The following TTC34 variants were observed in gnomAD, a reference collection of about 807,000 sequenced individuals.
The protein encoded by TTC34 is tetratricopeptide repeat domain 34, also known as tetratricopeptide repeat protein 34.
Under a neutral mutation model 40.7 loss-of-function variants are expected in TTC34, and 44 were observed. The ratio of observed to expected loss-of-function variants is 1.08; its 90% CI spans 0.85 to 1.39. The LOEUF is 1.39. Among genes scored for constraint, TTC34 ranks in the 40% most tolerant of loss-of-function variants. The probability of loss-of-function intolerance (pLI) is 0.00; values close to 1 mark genes in which losing one functional copy is unlikely to be tolerated. For synonymous variants in TTC34, 422 were observed against 398.6 expected (o/e 1.06, Z -0.70); for missense variants, 884 against 838.0 (o/e 1.05, Z -0.68).
At chr1:2,775,314 A>T (rs575515819) in intron 6 of TTC34, 150 of 151,220 alleles carry the variant, frequency 9.9e-4, no homozygotes, top group Middle Eastern at 6.8e-3. Flanking sequence ...CTCCAACCCC[A>T]GGTGAGGATC....
intron 6 of TTC34, among the ~76,000 whole-genome samples, chr1:2,696,920 A>C (rs1187881831): frequency 9.3e-5 from 3 of 32,228 alleles, no homozygotes; most frequent in Admixed American, 4.0e-4. Context: ...AGCACCCACA[A>C]CCACAGGTGA....
At chr1:2,641,469 C>T (rs1374372248) in exon 9 of TTC34, 1 of 1,535,662 alleles carries the variant, frequency 6.5e-7, no homozygotes, top group Non-Finnish European at 8.7e-7. Context: ...CTCTCTACCG[C>T]CGTCCAGGCC....
chr1:2,674,276 T>TTGC (rs1639810900), intron 6 of TTC34, among the ~76,000 whole-genome samples: 1 of 66,592 alleles, frequency 1.5e-5, no homozygotes, highest in African/African-American at 5.5e-5. Context: ...GAGCACCCCA[T>TTGC]ATCCCCGGGT....
rs921963172 is a variant in TTC34 at position 2,787,628 on chromosome 1, C to T, written c.1707G>A (p.Ala569=). 35 of 1,549,834 alleles carry T rather than the reference C, an allele frequency of 2.3e-5. 1 individual carries two copies. Among genetic ancestry groups the T allele is most frequent in the East Asian group, 7.3e-5 (3 of 40,934 alleles). The stretch of plus-strand genomic sequence containing the variant: ...GGCCCAGGCGGTACAGGGCATCAGC[C>T]GCCAGGAGGCGAGAGGCCTCGTCCT... Residue 569 remains alanine (A), a synonymous_variant, in exon 4 of 9, where the codon GCG becomes GCA. Transcript: ENST00000401095.
At chr1:2,777,597 A>C (rs1340379122) in intron 6 of TTC34, among the ~76,000 whole-genome samples, 2 of 145,450 alleles carry the variant, frequency 1.4e-5, no homozygotes, top group Non-Finnish European at 3.0e-5. Flanking sequence ...GGCCAGGAGG[A>C]GGGGCCTGCT....
At chr1:2,783,670 G>C (rs12063186) in exon 6 of TTC34, 36 of 1,537,958 alleles carry the variant, frequency 2.3e-5, no homozygotes, top group Non-Finnish European at 2.7e-5. Flanking sequence ...CACGTTCCCC[G>C]GCTCAGCCCG....
At chr1:2,683,553 C>A (rs1246034053) in intron 6 of TTC34, among the ~76,000 whole-genome samples, 2,026 of 84,466 alleles carry the variant, frequency 0.024, 32 homozygotes, top group African/African-American at 0.029. Context: ...GCACCCACAA[C>A]CACAGGTGAG....
At chr1:2,646,122 G>A (rs775898633) in intron 6 of TTC34, among the ~76,000 whole-genome samples, 9 of 152,258 alleles carry the variant, frequency 5.9e-5, no homozygotes, top group Non-Finnish European at 7.4e-5. Context: ...GCACAATACC[G>A]CGCCTGGCCC....
chr1:2,644,487 G>A lies in TTC34; in HGVS notation c.2498-9C>T, dbSNP rs1638978994. ...AGCTTCCTCGTAGCTGCCTGTCAGGGATTCAGGAGGGACAGTCAGTGTGTG... is the reference window on the plus strand; with the variant it reads ...AGCTTCCTCGTAGCTGCCTGTCAGGAATTCAGGAGGGACAGTCAGTGTGTG... On this transcript the variant is annotated splice_polypyrimidine_tract_variant and intron_variant, in intron 7 of 8. Transcript: ENST00000401095. 2.0e-6 allele frequency: 3 copies of A among 1,530,808 alleles called. No homozygotes were observed. Among genetic ancestry groups the A allele is most frequent in the Non-Finnish European group, 2.6e-6 (3 of 1,142,870 alleles). The allele number at this position is 1,530,808 out of a possible 1,614,324, so 94.8% of individuals were successfully genotyped here. A position where few individuals can be genotyped will look rare whatever the true frequency, so the allele number is the denominator to read the frequency against.
At chr1:2,784,093 G>A (rs539021607) in intron 5 of TTC34, among the ~76,000 whole-genome samples, 13 of 152,124 alleles carry the variant, frequency 8.5e-5, no homozygotes, top group Non-Finnish European at 1.5e-4. Flanking sequence ...ACCGGTAGTG[G>A]CCCCGAACGG....
intron 6 of TTC34, among the ~76,000 whole-genome samples, chr1:2,690,377 C>T (rs576847647): frequency 3.5e-3 from 498 of 141,942 alleles, no homozygotes; most frequent in Non-Finnish European, 4.2e-3. Context: ...GCAGCACCCA[C>T]ACCCCCAGGC....
At chr1:2,785,106 C>T (rs987817346) in intron 5 of TTC34, among the ~76,000 whole-genome samples, 15 of 152,190 alleles carry the variant, frequency 9.9e-5, no homozygotes, top group African/African-American at 2.9e-4. Flanking sequence ...CCACTTCCAC[C>T]CGACATGGGC....
At chr1:2,799,981 T>C (rs1460702182) in intron 2 of TTC34, 63 bp downstream of exon 2, 1 of 398,316 alleles carries the variant, frequency 2.5e-6, no homozygotes, top group Non-Finnish European at 4.4e-6. Flanking sequence ...CATAACCATG[T>C]GGGGAGGGAG....
At chr1:2,653,769 C>A (rs79977041) in intron 6 of TTC34, among the ~76,000 whole-genome samples, 2,410 of 77,160 alleles carry the variant, frequency 0.031, no homozygotes, top group South Asian at 0.077. Context: ...AGCGCCCACA[C>A]CCCCAGGCGA....
At chr1:2,773,035 A>G (rs1313928454) in intron 6 of TTC34, among the ~76,000 whole-genome samples, 2 of 149,968 alleles carry the variant, frequency 1.3e-5, no homozygotes, top group Non-Finnish European at 3.0e-5. Context: ...CGAGCATCTG[A>G]CAGCCTGGAG....
In TTC34 at chr1:2,690,964, T is replaced by C. The variant is rs374948770; in HGVS notation, c.2227-45401A>G. On this transcript the variant is annotated intron_variant, in intron 6 of 8. Transcript: ENST00000401095. ...ACCTCCAGGTGAGCATCTGACAGAC[T>C]GGAACAGCACCCACACCCCTAGGAG... Among the ~76,000 whole-genome samples the C allele has an allele frequency of 8.0e-5, 6 of 75,266 alleles. 1 individual carries two copies. In the East Asian group the frequency reaches 1.6e-3, roughly 20 times the overall value. 49.4% of individuals were successfully genotyped at this position (75,266 alleles called of 152,430 possible).
At chr1:2,753,351 T>G (rs1168097664) in intron 6 of TTC34, among the ~76,000 whole-genome samples, 2 of 106,102 alleles carry the variant, frequency 1.9e-5, no homozygotes, top group Admixed American at 9.6e-5. Flanking sequence ...GACGAGCATC[T>G]GACAGCCTAG....
intron 6 of TTC34, among the ~76,000 whole-genome samples, chr1:2,762,074 T>C (rs1401687906): frequency 1.6e-5 from 1 of 60,698 alleles, no homozygotes; most frequent in Non-Finnish European, 2.7e-5. Context: ...TCTGACAGCC[T>C]GGAGCAGCAC....
intron 6 of TTC34, among the ~76,000 whole-genome samples, chr1:2,770,062 T>A (rs1642030926): frequency 4.7e-5 from 1 of 21,234 alleles, no homozygotes; most frequent in East Asian, 8.7e-4. Flanking sequence ...ACATGGAATG[T>A]CATCCTCACC....
Sources: allele counts gnomAD v4.1 joint callset (sites outside exome capture counted in the v4.1 genomes callset), GRCh38; gene constraint gnomAD v4.1.1; transcripts MANE v1.5; gene names NCBI Gene and HGNC (gene_info 2026-07-23, HGNC 2026-07-21).